The following SENP6 variants were observed in gnomAD, a reference collection of about 807,000 sequenced individuals.
The protein encoded by SENP6 is SUMO specific peptidase 6.
SENP6 carries 41 observed loss-of-function variants against 134.5 expected under a neutral mutation model. The observed-to-expected ratio is 0.30, with a 90% CI of 0.24 to 0.40. SENP6 has a LOEUF of 0.40. SENP6 is among the 10% of genes least tolerant of loss of function. SENP6 has a pLI of 1.00. For synonymous variants in SENP6, 395 were observed against 429.8 expected (o/e 0.92, Z 1.00); for missense variants, 1,248 against 1,312.5 (o/e 0.95, Z 0.76).
chr6:75,634,944 A>G lies in SENP6; in HGVS notation c.458+133A>G, dbSNP rs750902421. 2.6e-5 allele frequency: 18 copies of G among 692,852 alleles called. No homozygotes were observed. In the South Asian group the frequency reaches 2.8e-4, roughly 11 times the overall value. The allele number at this position is 692,852 out of a possible 1,614,324, so 42.9% of individuals were successfully genotyped here. ...GTCTGTAGAGAGATATATCTCTGAA[A>G]TAATTCATGACATGAAATTATACTA... is the stretch of plus-strand genomic sequence containing the variant. On this transcript the variant is annotated intron_variant, in intron 5 of 23. Transcript: ENST00000447266.
Position 75,691,865 on chromosome 6 carries a change from G to T in SENP6, c.2076-3939G>T, listed in dbSNP as rs1348706046. On this transcript the variant is annotated intron_variant, in intron 16 of 23. Transcript: ENST00000447266. ...CGCCTCGGCCTCCCATTGTTTTTTGGTTTTTTTTGAGATGGAGTTTCACTC... is the reference window on the plus strand; with the variant it reads ...CGCCTCGGCCTCCCATTGTTTTTTGTTTTTTTTTGAGATGGAGTTTCACTC... 1.7e-4 allele frequency among the ~76,000 whole-genome samples: 26 copies of T among 150,952 alleles called. 1 individual carries two copies. Among genetic ancestry groups the T allele is most frequent in the Admixed American group, 9.9e-4 (15 of 15,132 alleles).
chr6:75,659,566 A>G (rs909493800), intron 8 of SENP6, among the ~76,000 whole-genome samples, 159 bp downstream of exon 8: 7 of 152,170 alleles, frequency 4.6e-5, no homozygotes, highest in Admixed American at 3.9e-4. Context: ...GACCATTTTT[A>G]TGCTTGTTCA....
At chr6:75,638,586 GTGTGTATATA>G (rs1286922481) in intron 5 of SENP6, among the ~76,000 whole-genome samples, 65 of 29,344 alleles carry the variant, frequency 2.2e-3, no homozygotes, top group East Asian at 6.9e-3. Flanking sequence ...GTGTGTGTGT[GTGTGTATATA>G]TATATATATA....
intron 1 of SENP6, among the ~76,000 whole-genome samples, chr6:75,608,338 A>G (rs1191742703): frequency 6.6e-6 from 1 of 152,042 alleles, no homozygotes; most frequent in Non-Finnish European, 1.5e-5. Context: ...GCATGCACCC[A>G]AAGTCCCAGG....
chr6:75,681,489 T>G (rs1324761318), intron 16 of SENP6, among the ~76,000 whole-genome samples: 1 of 151,722 alleles, frequency 6.6e-6, no homozygotes, highest in Non-Finnish European at 1.5e-5. Context: ...GATGGAGTCT[T>G]GCTCTCTCAC....
At position 75,675,858 on chromosome 6, in the gene SENP6, A is replaced by G. The variant is rs748981303; in HGVS notation, c.1427-2A>G. The G allele has an allele frequency of 6.4e-7, 1 of 1,572,424 alleles. No homozygotes were observed. The highest frequency in any genetic ancestry group is 8.6e-7 in the Non-Finnish European group (1 of 1,165,038). On this transcript the variant is annotated splice_acceptor_variant, in intron 12 of 23. Coordinates refer to ENST00000447266, the MANE Select transcript of SENP6 (RefSeq NM_015571.4). LOFTEE classifies it high-confidence loss of function. The stretch of plus-strand genomic sequence containing the variant: ...TTTTCCATTTCATTTGTTTTCCTCC[A>G]GAACCAGACCATGATCCTGTAGAGA...
At chr6:75,679,950 A>T (rs1423664423) in intron 16 of SENP6, 1 of 152,240 alleles carries the variant, frequency 6.6e-6, no homozygotes, top group African/African-American at 2.4e-5. Flanking sequence ...TATAAAGAGC[A>T]AAGTTTTGAT....
At chr6:75,654,773 G>A (rs1432343025) in intron 7 of SENP6, among the ~76,000 whole-genome samples, 1 of 152,110 alleles carries the variant, frequency 6.6e-6, no homozygotes, top group Non-Finnish European at 1.5e-5. Context: ...AGAAAGTTAA[G>A]CCTCTTCCTT....
At chr6:75,698,946 G>T (rs573052790) in intron 18 of SENP6, among the ~76,000 whole-genome samples, 66 of 151,760 alleles carry the variant, frequency 4.3e-4, no homozygotes, top group African/African-American at 1.6e-3. Flanking sequence ...GGGAGGCAGA[G>T]GTTGCAGTGA....
chr6:75,687,227 G>A (rs1186437748), intron 16 of SENP6, among the ~76,000 whole-genome samples: 1 of 152,140 alleles, frequency 6.6e-6, no homozygotes, highest in African/African-American at 2.4e-5. Context: ...AAGTTCTTGT[G>A]CAATGGTTAT....
intron 9 of SENP6, among the ~76,000 whole-genome samples, chr6:75,664,059 G>C (rs1771996377): frequency 6.6e-6 from 1 of 151,996 alleles, no homozygotes; most frequent in African/African-American, 2.4e-5. Context: ...CTGATAAACT[G>C]TGTAATTTCC....
Position 75,677,137 on chromosome 6 carries a change from T to A in SENP6, c.1729T>A (p.Ser577Thr). Residue 577 changes from serine to threonine, a missense_variant, in exon 14 of 24, where the codon TCC (serine) becomes ACC (threonine). This residue lies in a region of SENP6 where 733 missense variants were observed against 725.4 expected (regional missense o/e 1.01). Coordinates refer to ENST00000447266, the MANE Select transcript of SENP6 (RefSeq NM_015571.4). Reference sequence around the variant, plus strand: ...TGAAATTGGTATAAAGAATAACATCTCCAATTTTTTTGCGAAAATTCCCTT... The same window carrying A: ...TGAAATTGGTATAAAGAATAACATCACCAATTTTTTTGCGAAAATTCCCTT... ...INEIGIKNNI[S>T]NFFAKIPFEE... is the part of the protein sequence containing the mutation. 6.2e-7 allele frequency: 1 copy of A among 1,611,182 alleles called. No individual in the cohort carries two copies. The highest frequency in any genetic ancestry group is 8.5e-7 in the Non-Finnish European group (1 of 1,177,860).
intron 7 of SENP6, among the ~76,000 whole-genome samples, chr6:75,652,700 A>G (rs865958987): frequency 7.3e-5 from 11 of 149,662 alleles, no homozygotes; most frequent in African/African-American, 1.5e-4. Context: ...AAAAAAAAAA[A>G]AAAGAAAAAG....
chr6:75,615,503 G>T (rs1317841523), intron 1 of SENP6, among the ~76,000 whole-genome samples: 3 of 152,198 alleles, frequency 2.0e-5, no homozygotes, highest in Non-Finnish European at 2.9e-5. Context: ...TGTTTGTTGT[G>T]AGTGGATACT....
At chr6:75,709,431 G>A (rs987917041) in intron 19 of SENP6, 96 bp from the exon 20 acceptor site, 8 of 746,726 alleles carry the variant, frequency 1.1e-5, no homozygotes, top group African/African-American at 1.1e-4. Context: ...CTTGACTACT[G>A]TATCATTAAT....
chr6:75,659,157 C>T, intron 7 of SENP6, 105 bp from the exon 8 acceptor site: 1 of 788,686 alleles, frequency 1.3e-6, no homozygotes, highest in Non-Finnish European at 2.0e-6. Flanking sequence ...AAGAGTAATC[C>T]AGGATATAAT....
chr6:75,639,652 G>A (rs1769877675), intron 5 of SENP6, among the ~76,000 whole-genome samples: 2 of 151,878 alleles, frequency 1.3e-5, no homozygotes, highest in African/African-American at 2.4e-5. Context: ...TTTCATTCTC[G>A]AGTAATTGAT....
At chr6:75,684,009 T>C (rs1038579248) in intron 16 of SENP6, among the ~76,000 whole-genome samples, 2 of 152,254 alleles carry the variant, frequency 1.3e-5, no homozygotes, top group Non-Finnish European at 2.9e-5. Context: ...TTTCATGATA[T>C]TGATTCTTCC....
chr6:75,702,536 TA>T, intron 18 of SENP6, 108 bp from the exon 19 acceptor site: 1 of 1,090,588 alleles, frequency 9.2e-7, no homozygotes, highest in Non-Finnish European at 1.3e-6. Context: ...GCATTTTTAA[TA>T]AATTAATTGG....
Sources: allele counts gnomAD v4.1 joint callset (sites outside exome capture counted in the v4.1 genomes callset), GRCh38; gene constraint gnomAD v4.1.1; regional missense constraint gnomAD v4.1.1; transcripts MANE v1.5; gene names NCBI Gene and HGNC (gene_info 2026-07-23, HGNC 2026-07-21).